BICC1: variants seen among roughly 807,000 people sequenced by gnomAD.
The protein encoded by BICC1 is BicC family RNA binding protein 1.
BICC1 carries 43 observed loss-of-function variants against 111.0 expected under a neutral mutation model. The observed-to-expected ratio is 0.39, with a 90% CI of 0.30 to 0.50. BICC1 has a LOEUF of 0.50. BICC1 is among the 20% of genes least tolerant of loss of function. The pLI is 0.88. For synonymous variants in BICC1, 467 were observed against 434.4 expected (o/e 1.07, Z -0.93); for missense variants, 1,091 against 1,203.2 (o/e 0.91, Z 1.38).
At chr10:58,574,255 G>T (rs373765901) in intron 1 of BICC1, among the ~76,000 whole-genome samples, 1 of 152,110 alleles carries the variant, frequency 6.6e-6, no homozygotes, top group African/African-American at 2.4e-5. Flanking sequence ...AATCAGATTG[G>T]GAGATGGATT....
intron 3 of BICC1, among the ~76,000 whole-genome samples, chr10:58,718,102 G>C (rs1231507619): frequency 6.6e-6 from 1 of 152,130 alleles, no homozygotes; most frequent in African/African-American, 2.4e-5. Context: ...CTTTCCCTAT[G>C]TTAGTGAGTT....
intron 3 of BICC1, among the ~76,000 whole-genome samples, chr10:58,729,186 T>C (rs1841208783): frequency 6.6e-6 from 1 of 152,202 alleles, no homozygotes; most frequent in African/African-American, 2.4e-5. Context: ...GATGACACCT[T>C]TTTTTCCAAC....
chr10:58,699,085 C>G (rs1194297548), intron 2 of BICC1, among the ~76,000 whole-genome samples: 1 of 152,206 alleles, frequency 6.6e-6, no homozygotes, highest in Non-Finnish European at 1.5e-5. Context: ...TAGGAGAGGT[C>G]AGCTCCAGAT....
chr10:58,570,563 A>G (rs934156631), intron 1 of BICC1, among the ~76,000 whole-genome samples: 4 of 152,168 alleles, frequency 2.6e-5, no homozygotes, highest in Non-Finnish European at 4.4e-5. Flanking sequence ...ACTTACTTCA[A>G]TTGATCCCAT....
intron 20 of BICC1, among the ~76,000 whole-genome samples, chr10:58,826,781 A>C (rs951240125): frequency 2.6e-5 from 4 of 152,126 alleles, no homozygotes; most frequent in African/African-American, 9.7e-5. Flanking sequence ...AGAAAGAGAA[A>C]CAAACACCCG....
chr10:58,728,063 G>C (rs981903114), intron 3 of BICC1, among the ~76,000 whole-genome samples: 1 of 152,224 alleles, frequency 6.6e-6, no homozygotes, highest in Non-Finnish European at 1.5e-5. Context: ...GATGGCTACT[G>C]ATTGATCAGA....
intron 1 of BICC1, among the ~76,000 whole-genome samples, chr10:58,516,648 G>C (rs959457097): frequency 6.6e-6 from 1 of 152,044 alleles, no homozygotes; most frequent in East Asian, 1.9e-4. Flanking sequence ...GATGGGTGTG[G>C]TAAGTCTTGG....
intron 3 of BICC1, among the ~76,000 whole-genome samples, chr10:58,757,525 A>G (rs1842180394): frequency 6.7e-6 from 1 of 149,338 alleles, no homozygotes; most frequent in African/African-American, 2.5e-5. Context: ...AGTGGAGCTT[A>G]TCAGTAAGTG....
chr10:58,531,952 A>G (rs999715724), intron 1 of BICC1, among the ~76,000 whole-genome samples: 3 of 151,874 alleles, frequency 2.0e-5, no homozygotes, highest in African/African-American at 7.2e-5. Flanking sequence ...GTGAATCAAT[A>G]TATGCATTAC....
intron 1 of BICC1, among the ~76,000 whole-genome samples, chr10:58,595,068 C>T (rs954502036): frequency 5.9e-5 from 9 of 152,086 alleles, no homozygotes; most frequent in African/African-American, 1.7e-4. Context: ...GAGTTGCAAT[C>T]GTAGGCTCTG....
intron 17 of BICC1, among the ~76,000 whole-genome samples, chr10:58,812,129 G>A (rs1843926683): frequency 2.0e-5 from 3 of 152,164 alleles, no homozygotes; most frequent in South Asian, 2.1e-4. Flanking sequence ...TAAGCAACAA[G>A]AGTAGAATTA....
chr10:58,794,997 G>A (rs1048666988), intron 9 of BICC1, among the ~76,000 whole-genome samples: 1 of 152,116 alleles, frequency 6.6e-6, no homozygotes, highest in Admixed American at 6.6e-5. Context: ...GTATATATAT[G>A]TCTGTACATT....
intron 2 of BICC1, among the ~76,000 whole-genome samples, chr10:58,677,163 C>T (rs1368553411): frequency 6.6e-6 from 1 of 152,176 alleles, no homozygotes; most frequent in Non-Finnish European, 1.5e-5. Context: ...GAGCACAACT[C>T]CTCGCCAGCA....
chr10:58,601,906 T>A (rs542001671), intron 1 of BICC1, among the ~76,000 whole-genome samples: 1 of 152,112 alleles, frequency 6.6e-6, no homozygotes, highest in Non-Finnish European at 1.5e-5. Flanking sequence ...TAAGCAGATT[T>A]AGCAAAATTA....
In BICC1 at chr10:58,648,552, A is replaced by G. The variant is rs1359082410; in HGVS notation, c.237+27651A>G. ...AATATGTCTGTTGCTTTCAAAGGCT[A>G]TGATATGGAGGGAACAATGGTATGT... is the stretch of plus-strand genomic sequence containing the variant. On this transcript the variant is annotated intron_variant, in intron 2 of 20. Coordinates refer to ENST00000373886, the MANE Select transcript of BICC1 (RefSeq NM_001080512.3). The G allele has an allele frequency of 6.1e-6, 6 of 985,182 alleles. No individual in the cohort carries two copies. In the African/African-American group the frequency reaches 7.0e-5, roughly 11 times the overall value. The allele number at this position is 985,182 out of a possible 1,614,324, so 61.0% of individuals were successfully genotyped here.
chr10:58,601,417 C>G (rs1303015516), intron 1 of BICC1, among the ~76,000 whole-genome samples: 1 of 151,398 alleles, frequency 6.6e-6, no homozygotes, highest in African/African-American at 2.4e-5. Flanking sequence ...TCCAAATCAT[C>G]TTTTCAAATG....
Position 58,691,307 on chromosome 10 carries a change from T to C in BICC1, c.238-10767T>C, listed in dbSNP as rs1839901196. Among the ~76,000 whole-genome samples, 5 of 152,328 alleles carry C rather than the reference T, an allele frequency of 3.3e-5. No homozygotes were observed. In the South Asian group the frequency reaches 8.3e-4, roughly 25 times the overall value. On this transcript the variant is annotated intron_variant, in intron 2 of 20. Coordinates refer to ENST00000373886, the MANE Select transcript of BICC1 (RefSeq NM_001080512.3). ...TTATATACAAGTTGTACCTTGATAG[T>C]TCAAGTTTAATAAATCTCTTTGTAG...
intron 1 of BICC1, among the ~76,000 whole-genome samples, chr10:58,605,961 A>G (rs922528301): frequency 6.6e-6 from 1 of 152,110 alleles, no homozygotes; most frequent in Non-Finnish European, 1.5e-5. Flanking sequence ...CCTTGGGTTT[A>G]ATATTTTTTA....
intron 1 of BICC1, among the ~76,000 whole-genome samples, chr10:58,538,352 G>T (rs1649072): frequency 6.6e-6 from 1 of 151,550 alleles, no homozygotes; most frequent in Non-Finnish European, 1.5e-5. Context: ...TTGGCAAAGC[G>T]TACAAAAACA....
Sources: gnomAD v4.1 joint callset for allele counts (sites outside exome capture counted in the v4.1 genomes callset) on GRCh38, gnomAD v4.1.1 for gene constraint, MANE v1.5 for transcripts, NCBI Gene and HGNC (gene_info 2026-07-23, HGNC 2026-07-21) for gene names.